The following MYH6 variants were observed in gnomAD, a reference collection of about 807,000 sequenced individuals.
MYH6 encodes myosin heavy chain 6, also known as myosin-6.
In MYH6, 126 loss-of-function variants were observed where a neutral mutation model predicts 223.2. The ratio of observed to expected loss-of-function variants is 0.56; its 90% CI spans 0.49 to 0.65. The LOEUF is 0.65. MYH6 is among the 30% of genes least tolerant of loss of function. MYH6 has a pLI of 0.00. For missense variants in MYH6, 2,040 were observed against 2,536.4 expected, an observed-to-expected ratio of 0.80 and a Z score of 4.20; for synonymous variants, 978 against 1,010.2, an observed-to-expected ratio of 0.97 and a Z score of 0.61.
intron 12 of MYH6, 66 bp from the exon 13 acceptor site, chr14:23,401,043 G>C (rs1308781143): frequency 6.4e-7 from 1 of 1,566,890 alleles, no homozygotes; most frequent in East Asian, 2.4e-5. Flanking sequence ...GGCTTGCTCT[G>C]TCACCCAGGC....
chr14:23,390,281 C>G lies in MYH6; in HGVS notation c.3508G>C (p.Glu1170Gln), dbSNP rs727503236. The G allele has an allele frequency of 1.3e-6, 2 of 1,596,864 alleles. No individual in the cohort carries two copies. Among genetic ancestry groups the G allele is most frequent in the South Asian group, 2.2e-5 (2 of 90,184 alleles). The change falls in exon 26 of 39, where the codon GAG (glutamate) becomes CAG (glutamine). Residue 1170 changes from glutamate (E) to glutamine (Q), a missense_variant. Coordinates refer to ENST00000405093, the MANE Select transcript of MYH6 (RefSeq NM_002471.4). ...SVQIEMNKKR[E>Q]AEFQKMRRDL... ...CGCCGCATCTTCTGGAACTCGGCCT[C>G]GCGCTTCTTGTTCATCTCGATCTGC...
intron 15 of MYH6, among the ~76,000 whole-genome samples, chr14:23,397,959 TTCTTCTTC>T: frequency 8.7e-6 from 1 of 114,774 alleles, no homozygotes; most frequent in African/African-American, 3.6e-5. Flanking sequence ...CTTCTTCTTC[TTCTTCTTC>T]TTCTTCTTCT....
chr14:23,408,245 C>T lies in MYH6; in HGVS notation c.-47+8G>A, dbSNP rs1891847431. On this transcript the variant is annotated splice_region_variant and intron_variant, in intron 1 of 38. Coordinates refer to ENST00000405093, the MANE Select transcript of MYH6 (RefSeq NM_002471.4). ...CTGCAGGGCATCCCACCCCAAACCT[C>T]CTCTTACCTGGGCCGCAGGAGTCTC... is the stretch of plus-strand genomic sequence containing the variant. 1.0e-6 allele frequency: 1 copy of T among 985,342 alleles called. No individual in the cohort carries two copies. Among genetic ancestry groups the T allele is most frequent in the Admixed American group, 6.1e-5 (1 of 16,270 alleles). The allele number at this position is 985,342 out of a possible 1,614,324, so 61.0% of individuals were successfully genotyped here.
At position 23,405,680 on chromosome 14, in the gene MYH6, C is replaced by G. The variant is rs140596256; in HGVS notation, c.292G>C (p.Glu98Gln). ...EDMAMLTFLH[E>Q]PAVLFNLKER... Reference sequence around the variant, plus strand: ...TTGAGGTTGAAAAGCACCGCGGGCTCGTGCAGGAAGGTCAGCATGGCCATG... The same window carrying G: ...TTGAGGTTGAAAAGCACCGCGGGCTGGTGCAGGAAGGTCAGCATGGCCATG... The change falls in exon 4 of 39, where the codon GAG becomes CAG. Residue 98 changes from glutamate (E) to glutamine (Q), a missense_variant. By Grantham distance (29) the Glu-to-Gln change is conservative. This residue lies in a region of MYH6 where 184 missense variants were observed against 232.4 expected (regional missense o/e 0.79). Transcript: ENST00000405093. The surrounding 1 kb of genome is among the most constrained non-coding windows in gnomAD (Gnocchi z 4.7). The G allele has an allele frequency of 6.2e-7, 1 of 1,614,186 alleles. No homozygotes were observed. The highest frequency in any genetic ancestry group is 8.5e-7 in the Non-Finnish European group (1 of 1,180,022).
At position 23,404,530 on chromosome 14, in the gene MYH6, C is replaced by T. The variant is rs540117043; in HGVS notation, c.643-142G>A. 1,057 of 1,133,926 alleles carry T rather than the reference C, an allele frequency of 9.3e-4. 3 individuals carry two copies. The highest frequency in any genetic ancestry group is 2.0e-3 in the Middle Eastern group (10 of 5,110). 70.2% of individuals were successfully genotyped at this position (1,133,926 alleles called of 1,614,324 possible). On this transcript the variant is annotated intron_variant, in intron 7 of 38. Transcript: ENST00000405093. Reference sequence around the variant, plus strand: ...TAGTGGGTCTGCGACTCCACAGGATCCTACCCAGACCTCAGGGTGAGTGTC... The same window carrying T: ...TAGTGGGTCTGCGACTCCACAGGATTCTACCCAGACCTCAGGGTGAGTGTC...
chr14:23,389,594 A>C lies in MYH6; in HGVS notation c.3858T>G (p.Asn1286Lys), dbSNP rs774702449. 2 of 1,614,122 alleles carry C rather than the reference A, an allele frequency of 1.2e-6. No homozygotes were observed. The highest frequency in any genetic ancestry group is 2.2e-5 in the South Asian group (2 of 91,068). The change falls in exon 27 of 39, where the codon AAT becomes AAG. Residue 1286 changes from asparagine to lysine, a missense_variant and splice_region_variant. Asn to Lys is a moderately conservative substitution (Grantham distance 94, BLOSUM62 0). Around this residue, in one of 4 missense-constraint regions of MYH6, gnomAD observed 1,203 missense variants for 1,400.2 expected, o/e 0.86. Transcript: ENST00000405093. ...TTQRAKLQTE[N>K]GELARQLEEK... ...AGGGGGTTGGTTAGGGGCACCCACC[A>C]TTCTCGGTCTGCAGCTTGGCTCGCT... is the stretch of plus-strand genomic sequence containing the variant.
At chr14:23,400,140 C>T (rs1487517906) in intron 14 of MYH6, 116 bp downstream of exon 14, 1 of 1,502,214 alleles carries the variant, frequency 6.7e-7, no homozygotes. Flanking sequence ...GAAGCTGGGC[C>T]TGGAGAAAGG....
intron 25 of MYH6, 73 bp downstream of exon 25, chr14:23,392,489 A>G: frequency 2.6e-6 from 3 of 1,137,816 alleles, no homozygotes; most frequent in South Asian, 1.2e-5. Flanking sequence ...GTAGAACCCT[A>G]AGCAGCTGCT....
At position 23,397,517 on chromosome 14, in the gene MYH6, TCCTGGCACC is replaced by T; in HGVS notation, c.1962+17_1962+25del. 6.2e-7 allele frequency: 1 copy of T among 1,612,140 alleles called. No individual in the cohort carries two copies. Among genetic ancestry groups the T allele is most frequent in the East Asian group, 2.2e-5 (1 of 44,872 alleles). On this transcript the variant is annotated intron_variant, in intron 16 of 38. Transcript: ENST00000405093. Reference sequence around the variant, plus strand: ...CTGGGCTGGGCCATTCCACCAGGTGTCCTGGCACCCCTGGGCCCTTCTTACCCGGTGGAG... The same window carrying T: ...CTGGGCTGGGCCATTCCACCAGGTGTCCTGGGCCCTTCTTACCCGGTGGAG...
chr14:23,397,955 C>CTTCTTCTTCTAT (rs1566512472), intron 15 of MYH6, among the ~76,000 whole-genome samples: 121 of 96,890 alleles, frequency 1.2e-3, no homozygotes, highest in Non-Finnish European at 1.7e-3. Flanking sequence ...TCTTCTTCTT[C>CTTCTTCTTCTAT]TTCTTCTTCT....
rs528338781 is a variant in MYH6 at position 23,404,669 on chromosome 14, C to T, written c.642+42G>A. Reference sequence around the variant, plus strand: ...TTAGGGGTAACTCGGGTCAGCCTGCCCCCCAACCCCTGTTCTGCCGAGCCT... The same window carrying T: ...TTAGGGGTAACTCGGGTCAGCCTGCTCCCCAACCCCTGTTCTGCCGAGCCT... On this transcript the variant is annotated intron_variant, in intron 7 of 38. Transcript: ENST00000405093. The T allele has an allele frequency of 6.3e-6, 10 of 1,582,126 alleles. No homozygotes were observed. The East Asian group carries it at 1.1e-4, about 18-fold the overall frequency.
rs55907025 is a variant in MYH6, at chr14:23,397,932, CTCTTCTTCTTCTTCTTCTTCTTCTTCT to C, written c.1892-346_1892-320del. Among the ~76,000 whole-genome samples the C allele has an allele frequency of 2.3e-3, 208 of 90,140 alleles. 1 individual carries two copies. The highest frequency in any genetic ancestry group is 4.9e-3 in the African/African-American group (113 of 23,262). 59.1% of individuals were successfully genotyped at this position (90,140 alleles called of 152,430 possible). A position where few individuals can be genotyped will look rare whatever the true frequency, so the allele number is the denominator to read the frequency against. ...AGTTCTCCTCCTCCTCCTCCTCCTC[CTCTTCTTCTTCTTCTTCTTCTTCTTCT>C]TCTTCTTCTTCTTCTTCTTCTTCTT... is the stretch of plus-strand genomic sequence containing the variant. On this transcript the variant is annotated intron_variant, in intron 15 of 38. Coordinates refer to ENST00000405093, the MANE Select transcript of MYH6 (RefSeq NM_002471.4).
At chr14:23,408,049 T>A (rs1416350454) in intron 1 of MYH6, among the ~76,000 whole-genome samples, 2 of 151,478 alleles carry the variant, frequency 1.3e-5, no homozygotes, top group Non-Finnish European at 2.9e-5. Context: ...AAATGGAGAG[T>A]CAGAGAAGGA....
intron 20 of MYH6, among the ~76,000 whole-genome samples, chr14:23,395,867 T>C (rs1047451888): frequency 3.3e-5 from 5 of 152,192 alleles, no homozygotes; most frequent in Admixed American, 6.5e-5. Context: ...TAAACTGTTT[T>C]CCTAGGAAGT....
At chr14:23,399,880 G>A (rs577513547) in intron 14 of MYH6, 21 of 345,882 alleles carry the variant, frequency 6.1e-5, no homozygotes, top group African/African-American at 3.6e-4. Context: ...TAAGCAAGAG[G>A]GCTGGAGACT....
In MYH6 at chr14:23,390,127, T is replaced by C. The variant is rs1251456263; in HGVS notation, c.3662A>G (p.Lys1221Arg). ...NLQRVKQKLEKEKSEFKLELD... is the reference protein window; with the variant it reads ...NLQRVKQKLEREKSEFKLELD... ...CTCCAGCTTGAACTCGCTCTTCTCC[T>C]TCTCCAGCTTCTGCTTCACCCGCTG... The change falls in exon 26 of 39, where the codon AAG becomes AGG. Residue 1221 changes from lysine to arginine, a missense_variant. Coordinates refer to ENST00000405093, the MANE Select transcript of MYH6 (RefSeq NM_002471.4). 6.2e-7 allele frequency: 1 copy of C among 1,611,830 alleles called. No homozygotes were observed. Among genetic ancestry groups the C allele is most frequent in the South Asian group, 1.1e-5 (1 of 90,976 alleles).
At chr14:23,402,343 C>T in intron 12 of MYH6, 121 bp downstream of exon 12, 2 of 1,490,002 alleles carry the variant, frequency 1.3e-6, no homozygotes, top group Middle Eastern at 2.4e-4. Flanking sequence ...GTCCCTGTCC[C>T]TCACCATCCC....
intron 14 of MYH6, chr14:23,400,007 C>T: frequency 1.7e-6 from 1 of 579,422 alleles, no homozygotes; most frequent in Non-Finnish European, 3.0e-6. Flanking sequence ...GGGGCCTCTC[C>T]TTCACTACAT....
Position 23,386,454 on chromosome 14 carries a change from G to C in MYH6, c.4820C>G (p.Thr1607Arg), listed in dbSNP as rs1415720891. 1 of 1,614,190 alleles carries C rather than the reference G, an allele frequency of 6.2e-7. No individual in the cohort carries two copies. The highest frequency in any genetic ancestry group is 1.7e-5 in the Admixed American group (1 of 60,026). ...CCTCAGGACCTCGTTGCGGCTGCGTGTCTCTGCATCCAGGGAGGTCTGCAG... is the reference window on the plus strand; with the variant it reads ...CCTCAGGACCTCGTTGCGGCTGCGTCTCTCTGCATCCAGGGAGGTCTGCAG... Reference protein sequence around the residue: ...DSLQTSLDAETRSRNEVLRVK... With the variant: ...DSLQTSLDAERRSRNEVLRVK... Residue 1607 changes from threonine (T) to arginine (R), a missense_variant, in exon 33 of 39, where the codon ACA (threonine) becomes AGA (arginine). Around this residue, in one of 4 missense-constraint regions of MYH6, gnomAD observed 1,203 missense variants for 1,400.2 expected, o/e 0.86. Coordinates refer to ENST00000405093, the MANE Select transcript of MYH6 (RefSeq NM_002471.4).
Sources: allele counts gnomAD v4.1 joint callset (sites outside exome capture counted in the v4.1 genomes callset), GRCh38; gene constraint gnomAD v4.1.1; regional missense constraint gnomAD v4.1.1; non-coding constraint Gnocchi (gnomAD v3.1); transcripts MANE v1.5; gene names NCBI Gene and HGNC (gene_info 2026-07-23, HGNC 2026-07-21).